Variants in CTNNA3 observed in about 807,000 individuals in gnomAD.
CTNNA3 encodes catenin alpha 3, also known as catenin alpha-3.
In CTNNA3, 76 loss-of-function variants were observed where a neutral mutation model predicts 95.7. The ratio of observed to expected loss-of-function variants is 0.79; its 90% CI spans 0.66 to 0.96. The LOEUF (loss-of-function observed/expected upper bound fraction) is 0.96. Ranked by LOEUF, CTNNA3 falls within the 40% of genes least tolerant of loss-of-function variation. The pLI is 0.00. For synonymous variants in CTNNA3, 431 were observed against 374.4 expected, an observed-to-expected ratio of 1.15 and a Z score of -1.74; for missense variants, 1,191 against 1,089.8, an observed-to-expected ratio of 1.09 and a Z score of -1.31.
chr10:66,582,477 G>A (rs1289139918), intron 10 of CTNNA3, among the ~76,000 whole-genome samples: 2 of 151,632 alleles, frequency 1.3e-5, no homozygotes, highest in African/African-American at 2.4e-5. Flanking sequence ...ACTGATTTAT[G>A]CACACTGGTT....
chr10:67,001,071 G>A (rs1851655546), intron 7 of CTNNA3, among the ~76,000 whole-genome samples: 1 of 152,156 alleles, frequency 6.6e-6, no homozygotes, highest in African/African-American at 2.4e-5. Flanking sequence ...GGGAGGCCGA[G>A]GTGGGTGGAT....
chr10:66,771,407 T>TTC (rs1840081164), intron 8 of CTNNA3, among the ~76,000 whole-genome samples: 1 of 152,140 alleles, frequency 6.6e-6, no homozygotes, highest in African/African-American at 2.4e-5. Context: ...GCAATAGGTA[T>TTC]ACAGTTTTCA....
intron 14 of CTNNA3, among the ~76,000 whole-genome samples, chr10:66,079,732 A>T (rs903584074): frequency 6.6e-6 from 1 of 151,976 alleles, no homozygotes; most frequent in Non-Finnish European, 1.5e-5. Context: ...ACCAAGACTA[A>T]TGATCCATAT....
intron 14 of CTNNA3, among the ~76,000 whole-genome samples, chr10:66,088,837 C>T (rs1431928587): frequency 6.6e-6 from 1 of 152,022 alleles, no homozygotes; most frequent in Non-Finnish European, 1.5e-5. Context: ...AATTAACATA[C>T]TTACTATAAA....
intron 6 of CTNNA3, among the ~76,000 whole-genome samples, chr10:67,208,108 C>G (rs1290743286): frequency 6.6e-6 from 1 of 152,128 alleles, no homozygotes; most frequent in Non-Finnish European, 1.5e-5. Context: ...CGCGGTGGCT[C>G]ATGCCTGTAA....
chr10:67,257,191 C>A (rs539898078), intron 5 of CTNNA3, among the ~76,000 whole-genome samples: 2 of 152,246 alleles, frequency 1.3e-5, no homozygotes, highest in East Asian at 3.9e-4. Context: ...GCATTTAAGA[C>A]CAATGTGTGA....
intron 3 of CTNNA3, among the ~76,000 whole-genome samples, chr10:67,557,805 C>T (rs16924636): frequency 0.13 from 19,649 of 152,120 alleles, 1,573 homozygotes; most frequent in East Asian, 0.31. Context: ...CTAATGCCAC[C>T]ATAGCTCTAT....
intron 14 of CTNNA3, 66 bp downstream of exon 14, chr10:66,103,091 G>T: frequency 1.5e-6 from 2 of 1,331,436 alleles, no homozygotes; most frequent in Non-Finnish European, 2.2e-6. Flanking sequence ...TGCCTAGATT[G>T]ACAAAGGGAG....
At chr10:67,278,108 AC>A (rs1839258192) in intron 5 of CTNNA3, among the ~76,000 whole-genome samples, 1 of 152,058 alleles carries the variant, frequency 6.6e-6, no homozygotes, top group Non-Finnish European at 1.5e-5. Context: ...CTGGATTGGG[AC>A]CCCTTTCCAG....
intron 5 of CTNNA3, among the ~76,000 whole-genome samples, chr10:67,261,923 T>C (rs187243432): frequency 1.3e-5 from 2 of 152,316 alleles, no homozygotes; most frequent in Admixed American, 1.3e-4. Flanking sequence ...AAGTTGGATA[T>C]GTTTTTTAAA....
chr10:67,380,476 C>G (rs1196864226), intron 5 of CTNNA3, among the ~76,000 whole-genome samples: 1 of 152,106 alleles, frequency 6.6e-6, no homozygotes, highest in Non-Finnish European at 1.5e-5. Flanking sequence ...GTTAATTCAA[C>G]AAATATGCAT....
intron 7 of CTNNA3, among the ~76,000 whole-genome samples, chr10:66,876,133 T>A (rs539180395): frequency 1.3e-5 from 2 of 152,328 alleles, no homozygotes; most frequent in South Asian, 2.1e-4. Flanking sequence ...TCCTTACTGT[T>A]ATTTCTTCAG....
chr10:66,861,751 A>T (rs1843937190), intron 7 of CTNNA3, among the ~76,000 whole-genome samples: 2 of 152,114 alleles, frequency 1.3e-5, no homozygotes, highest in African/African-American at 4.8e-5. Flanking sequence ...CTTTTCAGAC[A>T]ATTATTCCTT....
intron 7 of CTNNA3, among the ~76,000 whole-genome samples, chr10:67,039,861 C>T (rs1430683091): frequency 6.6e-6 from 1 of 152,140 alleles, no homozygotes; most frequent in Non-Finnish European, 1.5e-5. Context: ...AAGACCGTTA[C>T]AGATTAATCT....
In CTNNA3 at chr10:67,185,141, T is replaced by G. The variant is rs1447414204; in HGVS notation, c.844-4621A>C. Reference sequence around the variant, plus strand: ...TTTTTCTTTTTTTCTTTTCTTTTTTTGTTTTTTAGATGGAGTCTCACTCTG... The same window carrying G: ...TTTTTCTTTTTTTCTTTTCTTTTTTGGTTTTTTAGATGGAGTCTCACTCTG... On this transcript the variant is annotated intron_variant, in intron 6 of 17. Coordinates refer to ENST00000433211, the MANE Select transcript of CTNNA3 (RefSeq NM_013266.4). 2.6e-5 allele frequency among the ~76,000 whole-genome samples: 4 copies of G among 152,180 alleles called. No individual in the cohort carries two copies. In the East Asian group the frequency reaches 5.8e-4, roughly 22 times the overall value.
chr10:66,880,153 G>T lies in CTNNA3; in HGVS notation c.1048-104629C>A, dbSNP rs560839762. Among the ~76,000 whole-genome samples, 142 of 152,158 alleles carry T rather than the reference G, an allele frequency of 9.3e-4. 2 individuals carry two copies. Among genetic ancestry groups the T allele is most frequent in the African/African-American group, 3.2e-3 (134 of 41,530 alleles). ...TCCAGGGAAGGAAAGTGAAGAGAAT[G>T]AACTGAAAGTATGGTTGTGATAATG... On this transcript the variant is annotated intron_variant, in intron 7 of 17. Coordinates refer to ENST00000433211, the MANE Select transcript of CTNNA3 (RefSeq NM_013266.4).
chr10:66,207,140 A>T (rs1266426609), intron 13 of CTNNA3, among the ~76,000 whole-genome samples: 1 of 142,700 alleles, frequency 7.0e-6, no homozygotes, highest in African/African-American at 2.5e-5. Context: ...AAAAAGAATA[A>T]GCTTTTCTAA....
chr10:67,622,311 C>T (rs772290397), intron 2 of CTNNA3, among the ~76,000 whole-genome samples: 3 of 152,102 alleles, frequency 2.0e-5, no homozygotes, highest in Non-Finnish European at 2.9e-5. Flanking sequence ...TATAAGAGAA[C>T]AATTATATCC....
At chr10:67,193,038 G>A (rs1863190277) in intron 6 of CTNNA3, among the ~76,000 whole-genome samples, 1 of 151,780 alleles carries the variant, frequency 6.6e-6, no homozygotes, top group African/African-American at 2.4e-5. Context: ...CCACTTATAT[G>A]TAAAATCAAA....
Sources: gnomAD v4.1 joint callset for allele counts (sites outside exome capture counted in the v4.1 genomes callset) on GRCh38, gnomAD v4.1.1 for gene constraint, MANE v1.5 for transcripts, NCBI Gene and HGNC (gene_info 2026-07-23, HGNC 2026-07-21) for gene names.